Variants in RNF150 observed in about 807,000 individuals in gnomAD.
The protein encoded by RNF150 is ring finger protein 150.
RNF150 carries 24 observed loss-of-function variants against 39.3 expected under a neutral mutation model. The ratio of observed to expected loss-of-function variants is 0.61; its 90% CI spans 0.44 to 0.86. The LOEUF (loss-of-function observed/expected upper bound fraction) is 0.86, where lower values mean the gene tolerates loss of function less well. Among genes scored for constraint, RNF150 ranks in the 40% least tolerant of loss-of-function variants. The probability of loss-of-function intolerance (pLI) is 0.00; values close to 1 mark genes in which losing one functional copy is unlikely to be tolerated. For synonymous variants in RNF150, 255 were observed against 227.3 expected (o/e 1.12, Z -1.10); for missense variants, 502 against 587.8 (o/e 0.85, Z 1.51).
intron 4 of RNF150, among the ~76,000 whole-genome samples, chr4:140,928,678 C>T (rs1370887513): frequency 6.6e-6 from 1 of 152,182 alleles, no homozygotes; most frequent in Non-Finnish European, 1.5e-5. Context: ...TCCTGAGTAG[C>T]TGGGACTACA....
At chr4:141,073,684 A>C (rs2110957570) in intron 1 of RNF150, among the ~76,000 whole-genome samples, 1 of 152,236 alleles carries the variant, frequency 6.6e-6, no homozygotes, top group Admixed American at 6.5e-5. Flanking sequence ...GTCTAGGGAA[A>C]AATGGCAGGC....
intron 6 of RNF150, among the ~76,000 whole-genome samples, chr4:140,874,832 T>C (rs923463120): frequency 4.6e-5 from 7 of 152,150 alleles, no homozygotes; most frequent in African/African-American, 4.8e-5. Context: ...TGATTTTATT[T>C]TATTTTTTTT....
intron 1 of RNF150, among the ~76,000 whole-genome samples, chr4:141,079,539 T>C (rs769308418): frequency 6.6e-6 from 1 of 152,202 alleles, no homozygotes; most frequent in African/African-American, 2.4e-5. Context: ...AAAAATAATA[T>C]GTAAGGTGCT....
In RNF150 at chr4:140,911,351, T is replaced by G. The variant is rs1272929081; in HGVS notation, c.991A>C (p.Asn331His). The part of the protein sequence containing the change: ...NILKALGIPP[N>H]ADCMDDLPTD... ...GGCAAGTCGTCCATGCAGTCGGCAT[T>G]GGGCTGATGGGGCAGAAAAAGATCT... The change falls in exon 6 of 7, where the codon AAT becomes CAT. Residue 331 changes from asparagine (N) to histidine (H), a missense_variant. Coordinates refer to ENST00000515673, the MANE Select transcript of RNF150 (RefSeq NM_020724.2). The G allele has an allele frequency of 6.2e-7, 1 of 1,613,946 alleles. No homozygotes were observed.
chr4:140,972,714 CT>C (rs1281355733), intron 1 of RNF150, among the ~76,000 whole-genome samples: 1 of 152,134 alleles, frequency 6.6e-6, no homozygotes, highest in Non-Finnish European at 1.5e-5. Flanking sequence ...CCTTCTCTCC[CT>C]TCCTTTTGAC....
intron 1 of RNF150, among the ~76,000 whole-genome samples, chr4:141,125,901 G>C (rs1443779942): frequency 6.6e-6 from 1 of 152,138 alleles, no homozygotes; most frequent in Non-Finnish European, 1.5e-5. Context: ...CTCTAGATAT[G>C]TACTTCTATG....
chr4:140,881,286 T>C (rs1012496998), intron 6 of RNF150, among the ~76,000 whole-genome samples: 33 of 151,938 alleles, frequency 2.2e-4, no homozygotes, highest in Non-Finnish European at 4.7e-4. Context: ...CTTCAGCCTC[T>C]CAAGTAGCTG....
At chr4:140,926,215 A>G in intron 4 of RNF150, 142 bp from the exon 5 acceptor site, 1 of 637,762 alleles carries the variant, frequency 1.6e-6, no homozygotes, top group East Asian at 2.7e-5. Context: ...CTTGTGGGCC[A>G]AAGTGTTTCC....
chr4:141,133,715 T>C (rs1726971571), upstream of RNF150, among the ~76,000 whole-genome samples: 2 of 152,148 alleles, frequency 1.3e-5, no homozygotes, highest in South Asian at 2.1e-4. Flanking sequence ...AGCAAATGTA[T>C]GTGCCTCTCG....
chr4:140,931,836 A>G (rs1731650517), intron 4 of RNF150, among the ~76,000 whole-genome samples: 1 of 152,214 alleles, frequency 6.6e-6, no homozygotes, highest in Admixed American at 6.5e-5. Context: ...ATGAATAATA[A>G]GTTCTCACAC....
At chr4:140,878,352 G>T (rs1320796349) in intron 6 of RNF150, among the ~76,000 whole-genome samples, 1 of 151,806 alleles carries the variant, frequency 6.6e-6, no homozygotes, top group Non-Finnish European at 1.5e-5. Context: ...TGTACTTGTA[G>T]TAGAGATGGG....
At chr4:140,898,084 G>A (rs1026360531) in intron 6 of RNF150, among the ~76,000 whole-genome samples, 1 of 152,126 alleles carries the variant, frequency 6.6e-6, no homozygotes, top group African/African-American at 2.4e-5. Flanking sequence ...ACCAGATGAA[G>A]AGACCTACTA....
intron 1 of RNF150, among the ~76,000 whole-genome samples, chr4:141,210,487 T>A (rs1237176631): frequency 3.1e-5 from 1 of 32,166 alleles, no homozygotes; most frequent in Non-Finnish European, 5.7e-5. Context: ...CAGTTTCAGC[T>A]TTTTTTTTTT....
chr4:141,027,922 TTTTG>T (rs1409567399), intron 1 of RNF150, among the ~76,000 whole-genome samples: 17,910 of 65,954 alleles, frequency 0.27, 3,870 homozygotes, highest in Non-Finnish European at 0.32. Context: ...GTTTTTTTTT[TTTTG>T]TTTTTTTTTT....
intron 1 of RNF150, among the ~76,000 whole-genome samples, chr4:141,202,985 T>G (rs927711032): frequency 1.3e-5 from 2 of 151,114 alleles, no homozygotes; most frequent in African/African-American, 4.8e-5. Flanking sequence ...GCTGAAAGAT[T>G]TATTTTCAAT....
intron 1 of RNF150, among the ~76,000 whole-genome samples, chr4:141,199,509 T>C (rs1728255383): frequency 1.3e-5 from 2 of 152,208 alleles, no homozygotes; most frequent in Admixed American, 1.3e-4. Context: ...AGTGAAACAG[T>C]ACTCAGCAGT....
At chr4:140,919,800 C>T (rs972523764) in intron 5 of RNF150, among the ~76,000 whole-genome samples, 19 of 134,000 alleles carry the variant, frequency 1.4e-4, no homozygotes, top group Admixed American at 2.5e-4. Context: ...TACAAGGCTA[C>T]GGTAATCAAA....
intron 1 of RNF150, among the ~76,000 whole-genome samples, chr4:141,013,162 A>G (rs1735137753): frequency 6.6e-6 from 1 of 152,184 alleles, no homozygotes; most frequent in South Asian, 2.1e-4. Flanking sequence ...TATCTTTTTG[A>G]AATTGTCCTT....
chr4:141,107,157 ATTAG>A (rs1171939793), intron 1 of RNF150, among the ~76,000 whole-genome samples: 1 of 152,226 alleles, frequency 6.6e-6, no homozygotes, highest in Admixed American at 6.5e-5. Context: ...CATATTAACT[ATTAG>A]TTAGCATGCA....
Sources: gnomAD v4.1 joint callset for allele counts (sites outside exome capture counted in the v4.1 genomes callset) on GRCh38, gnomAD v4.1.1 for gene constraint, MANE v1.5 for transcripts, NCBI Gene and HGNC (gene_info 2026-07-23, HGNC 2026-07-21) for gene names.